The following PIK3C2A variants were observed in gnomAD, a reference collection of about 807,000 sequenced individuals.
PIK3C2A encodes the protein phosphatidylinositol-4-phosphate 3-kinase catalytic subunit type 2 alpha.
A neutral mutation model predicts 204.5 loss-of-function variants in PIK3C2A; 97 were observed. That is an observed-to-expected ratio of 0.47 (90% CI 0.40 to 0.56). The LOEUF is 0.56. Among genes scored for constraint, PIK3C2A ranks in the 20% least tolerant of loss-of-function variants. PIK3C2A has a pLI of 0.00. For synonymous variants in PIK3C2A, 653 were observed against 664.4 expected (o/e 0.98, Z 0.26); for missense variants, 1,735 against 1,969.2 (o/e 0.88, Z 2.25).
At position 17,105,270 on chromosome 11, in the gene PIK3C2A, T is replaced by C. The variant is rs752969960; in HGVS notation, c.3580A>G (p.Arg1194Gly). The part of the protein sequence containing the change: ...VELVPASDTL[R>G]KIQVEYGVTG... ...ACACCATATTCCACTTGGATTTTCC[T>C]GAGGGTATCGGAAGCAGGAACCAGC... Residue 1194 changes from arginine (R) to glycine (G), a missense_variant, in exon 23 of 33, where the codon AGG becomes GGG. This residue lies in a region of PIK3C2A where 503 missense variants were observed against 669.0 expected (regional missense o/e 0.75). Coordinates refer to ENST00000691414, the MANE Select transcript of PIK3C2A (RefSeq NM_002645.4). 1 of 1,611,412 alleles carries C rather than the reference T, an allele frequency of 6.2e-7. No individual in the cohort carries two copies. Among genetic ancestry groups the C allele is most frequent in the South Asian group, 1.1e-5 (1 of 90,516 alleles).
chr11:17,190,721 A>T (rs938751132), intron 1 of PIK3C2A, among the ~76,000 whole-genome samples: 2 of 152,134 alleles, frequency 1.3e-5, no homozygotes, highest in African/African-American at 2.4e-5. Flanking sequence ...CAAAATCAAT[A>T]ATTAATTAGA....
chr11:17,131,892 TAAA>T, intron 12 of PIK3C2A, 21 bp downstream of exon 12: 1 of 1,593,214 alleles, frequency 6.3e-7, no homozygotes, highest in Middle Eastern at 1.7e-4. Context: ...ACTGAAAGAA[TAAA>T]AAGCCAGAAA....
chr11:17,168,773 C>T lies in PIK3C2A; in HGVS notation c.969G>A (p.Val323=). ...TTGCCACAGAAAGGGATTTTCCATT[C>T]ACCTTTCTTTCAAGATGACAATTTG... ...STANCHLERK[V]NGKSLSVATV... Residue 323 remains valine (V), a synonymous_variant, in exon 2 of 33, where the codon GTG becomes GTA. Transcript: ENST00000691414. The T allele has an allele frequency of 6.2e-7, 1 of 1,613,796 alleles. No individual in the cohort carries two copies. The highest frequency in any genetic ancestry group is 8.5e-7 in the Non-Finnish European group (1 of 1,179,798).
At chr11:17,109,063 G>A (rs554340247) in intron 22 of PIK3C2A, among the ~76,000 whole-genome samples, 166 of 152,268 alleles carry the variant, frequency 1.1e-3, no homozygotes, top group African/African-American at 3.7e-3. Flanking sequence ...AGAATGAACC[G>A]CCTTGAAATG....
intron 27 of PIK3C2A, 49 bp downstream of exon 27, chr11:17,097,008 C>G: frequency 1.8e-6 from 2 of 1,096,554 alleles, no homozygotes; most frequent in South Asian, 2.6e-5. Flanking sequence ...GTAGAAAGGA[C>G]AACAATAATA....
At chr11:17,158,131 C>A (rs1850657013) in intron 2 of PIK3C2A, among the ~76,000 whole-genome samples, 1 of 152,106 alleles carries the variant, frequency 6.6e-6, no homozygotes, top group African/African-American at 2.4e-5. Flanking sequence ...AGGCAAATCA[C>A]CTGAGGTCGG....
rs1373062758 is a variant in PIK3C2A, at chr11:17,088,725, C to T, written c.*1013G>A. The T allele has an allele frequency of 6.6e-6, 1 of 152,214 alleles. No individual in the cohort carries two copies. Among genetic ancestry groups the T allele is most frequent in the East Asian group, 1.9e-4 (1 of 5,198 alleles). 9.4% of individuals were successfully genotyped at this position (152,214 alleles called of 1,614,324 possible). On this transcript the variant is annotated 3_prime_UTR_variant, in exon 33 of 33. Coordinates refer to ENST00000691414, the MANE Select transcript of PIK3C2A (RefSeq NM_002645.4). The stretch of plus-strand genomic sequence containing the variant: ...GGTCTATATTAAAGTTCAATCTGGA[C>T]CCTAGAATTCTTGTCATGGGCCTCT...
chr11:17,112,694 A>T, intron 20 of PIK3C2A, 28 bp from the exon 21 acceptor site: 1 of 1,199,016 alleles, frequency 8.3e-7, no homozygotes, highest in Non-Finnish European at 1.2e-6. Flanking sequence ...TAAGCATTAG[A>T]AAGATAAATG....
chr11:17,197,722 T>C (rs1249825791), intron 1 of PIK3C2A, among the ~76,000 whole-genome samples: 2 of 152,212 alleles, frequency 1.3e-5, no homozygotes, highest in Non-Finnish European at 2.9e-5. Context: ...TTACTGAACT[T>C]TGATCTACTT....
At chr11:17,114,574 G>GA (rs1430673867) in intron 19 of PIK3C2A, 109 bp from the exon 20 acceptor site, 3 of 577,242 alleles carry the variant, frequency 5.2e-6, no homozygotes, top group Non-Finnish European at 9.5e-6. Context: ...GTCAAACGGT[G>GA]AAAAAAAGGT....
chr11:17,180,939 A>C (rs1223230215), intron 1 of PIK3C2A, among the ~76,000 whole-genome samples: 2 of 152,188 alleles, frequency 1.3e-5, no homozygotes, highest in African/African-American at 2.4e-5. Context: ...ACTCAGGTGG[A>C]GTTTACTTAT....
In PIK3C2A at chr11:17,188,802, G is replaced by T. The variant is rs1016900564; in HGVS notation, c.-65-18996C>A. Among the ~76,000 whole-genome samples the T allele has an allele frequency of 1.2e-4, 17 of 147,040 alleles. 5 individuals are homozygous for T. The highest frequency in any genetic ancestry group is 4.6e-4 in the African/African-American group (17 of 36,632). On this transcript the variant is annotated intron_variant, in intron 1 of 32. Coordinates refer to ENST00000691414, the MANE Select transcript of PIK3C2A (RefSeq NM_002645.4). ...GGCAGTTATCTTCCAAAGGAGGATTGGCAAGTGGCAGACAGAAATCCATCT... is the reference window on the plus strand; with the variant it reads ...GGCAGTTATCTTCCAAAGGAGGATTTGCAAGTGGCAGACAGAAATCCATCT...
chr11:17,155,627 T>C lies in PIK3C2A; in HGVS notation c.1068A>G (p.Lys356=), dbSNP rs61755369. The C allele has an allele frequency of 9.2e-4, 1,445 of 1,573,424 alleles. 2 individuals carry two copies. The highest frequency in any genetic ancestry group is 1.9e-3 in the Admixed American group (111 of 59,412). The change falls in exon 3 of 33, where the codon AAA becomes AAG. Residue 356 remains lysine, a splice_region_variant and synonymous_variant. Transcript: ENST00000691414. The part of the protein sequence containing the change: ...LAKAQGHISQ[K]DPNGTSSLPT... ...GCAAACTACTGGTCCCATTTGGGTC[T>C]TTCTGTAATTAAAAAAGTGTTTTTA...
intron 2 of PIK3C2A, among the ~76,000 whole-genome samples, chr11:17,167,605 G>A (rs1234021133): frequency 6.6e-6 from 1 of 152,154 alleles, no homozygotes; most frequent in Non-Finnish European, 1.5e-5. Flanking sequence ...TGGGCAACAA[G>A]AGCAAAACTT....
At chr11:17,090,181 A>G (rs1197517187) in intron 32 of PIK3C2A, among the ~76,000 whole-genome samples, 1 of 152,214 alleles carries the variant, frequency 6.6e-6, no homozygotes, top group Non-Finnish European at 1.5e-5. Flanking sequence ...AAAAATAAAA[A>G]CTAGAGGCCA....
chr11:17,147,462 A>G, intron 6 of PIK3C2A, 55 bp downstream of exon 6: 1 of 987,098 alleles, frequency 1.0e-6, no homozygotes, highest in Non-Finnish European at 1.6e-6. Context: ...TTGGCAAATT[A>G]GCAGAATTAT....
rs984671252 is a variant in PIK3C2A at position 17,169,658 on chromosome 11, T to C, written c.84A>G (p.Lys28=). 1 of 1,613,102 alleles carries C rather than the reference T, an allele frequency of 6.2e-7. No homozygotes were observed. Among genetic ancestry groups the C allele is most frequent in the Non-Finnish European group, 8.5e-7 (1 of 1,180,032 alleles). ...PEPTRAKDVD[K]EEALQMEAEA... ...CTGCTTCCATCTGTAATGCTTCTTC[T>C]TTGTCCACATCTTTTGCTCTTGTTG... The change falls in exon 2 of 33, where the codon AAA becomes AAG. Residue 28 remains lysine (K), a synonymous_variant. Coordinates refer to ENST00000691414, the MANE Select transcript of PIK3C2A (RefSeq NM_002645.4).
intron 23 of PIK3C2A, among the ~76,000 whole-genome samples, chr11:17,104,951 GAAATTTTTGGGGGTGT>G (rs910614446): frequency 2.0e-5 from 3 of 151,984 alleles, no homozygotes; most frequent in African/African-American, 7.3e-5. Flanking sequence ...TATGTGTTTG[GAAATTTTTGGGGGTGT>G]AATTTAGCAT....
At chr11:17,100,242 T>C (rs1042398600) in intron 25 of PIK3C2A, among the ~76,000 whole-genome samples, 1 of 8,582 alleles carries the variant, frequency 1.2e-4, no homozygotes, top group Non-Finnish European at 2.5e-4. Context: ...GGCTCTTTTT[T>C]TGGGGGCGGG....
Sources: gnomAD v4.1 joint callset for allele counts (sites outside exome capture counted in the v4.1 genomes callset) on GRCh38, gnomAD v4.1.1 for gene constraint, gnomAD v4.1.1 regional missense constraint, MANE v1.5 for transcripts, NCBI Gene and HGNC (gene_info 2026-07-23, HGNC 2026-07-21) for gene names.